Variants in BAZ1A observed in about 807,000 individuals in gnomAD.
The protein encoded by BAZ1A is bromodomain adjacent to zinc finger domain protein 1A.
In BAZ1A, 50 loss-of-function variants were observed where a neutral mutation model predicts 185.2. The observed-to-expected ratio is 0.27, with a 90% CI of 0.22 to 0.34. The LOEUF (loss-of-function observed/expected upper bound fraction) is 0.34, where lower values mean the gene tolerates loss of function less well. BAZ1A is among the 10% of genes least tolerant of loss of function. BAZ1A has a pLI of 1.00. For missense variants in BAZ1A, 1,356 were observed against 1,839.9 expected, an observed-to-expected ratio of 0.74 and a Z score of 4.81; for synonymous variants, 571 against 615.6, an observed-to-expected ratio of 0.93 and a Z score of 1.07.
chr14:34,866,502 A>AAAAGAAAG, intron 2 of BAZ1A, among the ~76,000 whole-genome samples: 2 of 79,538 alleles, frequency 2.5e-5, no homozygotes, highest in East Asian at 5.4e-4. Flanking sequence ...AAAAAAAAAA[A>AAAAGAAAG]GAAAAAAGTT....
At chr14:34,775,722 C>T (rs1474816528) in intron 18 of BAZ1A, among the ~76,000 whole-genome samples, 197 bp downstream of exon 18, 2 of 152,102 alleles carry the variant, frequency 1.3e-5, no homozygotes, top group Non-Finnish European at 2.9e-5. Flanking sequence ...CAAATACAAT[C>T]CAGTGGAATT....
At chr14:34,861,154 G>A (rs1021378430) in intron 3 of BAZ1A, among the ~76,000 whole-genome samples, 3 of 151,924 alleles carry the variant, frequency 2.0e-5, no homozygotes, top group Non-Finnish European at 4.4e-5. Context: ...AAAAAAATTT[G>A]TATTCAGGTC....
chr14:34,798,642 A>G (rs1005695387), intron 9 of BAZ1A, among the ~76,000 whole-genome samples: 1 of 152,248 alleles, frequency 6.6e-6, no homozygotes, highest in Non-Finnish European at 1.5e-5. Flanking sequence ...AAAAATGCTC[A>G]TCACTGGTCA....
intron 5 of BAZ1A, among the ~76,000 whole-genome samples, chr14:34,809,887 G>C (rs2041905788): frequency 6.6e-6 from 1 of 152,068 alleles, no homozygotes; most frequent in Admixed American, 6.6e-5. Context: ...CTATTCATTA[G>C]CCCATAAACT....
At chr14:34,824,914 G>T (rs909334702) in intron 4 of BAZ1A, among the ~76,000 whole-genome samples, 1 of 152,270 alleles carries the variant, frequency 6.6e-6, no homozygotes, top group South Asian at 2.1e-4. Context: ...GAGAAATAAC[G>T]ATTTAGAATA....
intron 25 of BAZ1A, among the ~76,000 whole-genome samples, chr14:34,757,740 T>C (rs1166017834): frequency 7.5e-6 from 1 of 133,416 alleles, no homozygotes; most frequent in Non-Finnish European, 1.7e-5. Context: ...CTCTATTGTT[T>C]TCTTTTTTTT....
intron 20 of BAZ1A, among the ~76,000 whole-genome samples, chr14:34,771,957 C>CT (rs150524823): frequency 0.064 from 9,671 of 150,332 alleles, 411 homozygotes; most frequent in Non-Finnish European, 0.099. Flanking sequence ...TTGTTTTGCC[C>CT]TTTTTTTTTG....
intron 4 of BAZ1A, among the ~76,000 whole-genome samples, chr14:34,814,482 T>C (rs898790504): frequency 6.6e-6 from 1 of 151,912 alleles, no homozygotes; most frequent in Non-Finnish European, 1.5e-5. Flanking sequence ...GGACCTTTTT[T>C]GGGGGAGACA....
At chr14:34,804,044 G>T (rs1881719844) in intron 6 of BAZ1A, among the ~76,000 whole-genome samples, 1 of 152,048 alleles carries the variant, frequency 6.6e-6, no homozygotes, top group Non-Finnish European at 1.5e-5. Context: ...ATCTTGCTCT[G>T]TCATCCTGGC....
At position 34,753,168 on chromosome 14, in the gene BAZ1A, C is replaced by T. The variant is rs1002911286; in HGVS notation, c.*340G>A. 1.6e-4 allele frequency: 35 copies of T among 222,034 alleles called. No homozygotes were observed. Among genetic ancestry groups the T allele is most frequent in the Non-Finnish European group, 2.7e-4 (30 of 111,026 alleles). 13.8% of individuals were successfully genotyped at this position (222,034 alleles called of 1,614,324 possible). ...TGTAGATAACTCTCCCTTAATACCACCACTTTAAAAAAAAATCATCAATAA... is the reference window on the plus strand; with the variant it reads ...TGTAGATAACTCTCCCTTAATACCATCACTTTAAAAAAAAATCATCAATAA... On this transcript the variant is annotated 3_prime_UTR_variant, in exon 27 of 27. Coordinates refer to ENST00000360310, the MANE Select transcript of BAZ1A (RefSeq NM_013448.3).
At chr14:34,866,961 T>TAAAA (rs10635851) in intron 2 of BAZ1A, among the ~76,000 whole-genome samples, 1 of 148,222 alleles carries the variant, frequency 6.7e-6, no homozygotes, top group African/African-American at 2.5e-5. Context: ...CATTCTTCTT[T>TAAAA]AAAAAAAAAA....
chr14:34,826,354 T>A (rs1418975543), intron 3 of BAZ1A, among the ~76,000 whole-genome samples, 198 bp from the exon 4 acceptor site: 1 of 152,220 alleles, frequency 6.6e-6, no homozygotes, highest in Non-Finnish European at 1.5e-5. Context: ...TAAAACTATT[T>A]TAAAACTCAA....
Position 34,788,997 on chromosome 14 carries a change from A to G in BAZ1A, c.1511-2776T>C, listed in dbSNP as rs150837943. On this transcript the variant is annotated intron_variant, in intron 12 of 26. Coordinates refer to ENST00000360310, the MANE Select transcript of BAZ1A (RefSeq NM_013448.3). Reference sequence around the variant, plus strand: ...CAATTTCATGGCATTTAAAGCATACATAGGGCCACACAGGAGAAGCTATCT... The same window carrying G: ...CAATTTCATGGCATTTAAAGCATACGTAGGGCCACACAGGAGAAGCTATCT... Among the ~76,000 whole-genome samples, 288 of 152,342 alleles carry G rather than the reference A, an allele frequency of 1.9e-3. 1 individual carries two copies. Among genetic ancestry groups the G allele is most frequent in the African/African-American group, 6.7e-3 (278 of 41,582 alleles).
chr14:34,845,346 A>T (rs985277596), intron 3 of BAZ1A: 43 of 151,476 alleles, frequency 2.8e-4, no homozygotes, highest in African/African-American at 1.0e-3. Flanking sequence ...CAATTCTAAA[A>T]GAGCTGTAAC....
chr14:34,804,938 GCT>G (rs1260477884), intron 6 of BAZ1A, among the ~76,000 whole-genome samples: 1 of 152,140 alleles, frequency 6.6e-6, no homozygotes, highest in Non-Finnish European at 1.5e-5. Flanking sequence ...ATATAATTTG[GCT>G]CTGTGTCCTC....
chr14:34,803,599 T>C (rs1043813755), intron 6 of BAZ1A, among the ~76,000 whole-genome samples: 2 of 148,512 alleles, frequency 1.3e-5, no homozygotes, highest in Admixed American at 6.9e-5. Flanking sequence ...TATACAATAA[T>C]TTGTTTTGCT....
chr14:34,861,421 C>T (rs544756869), intron 3 of BAZ1A, among the ~76,000 whole-genome samples: 1 of 152,040 alleles, frequency 6.6e-6, no homozygotes, highest in African/African-American at 2.4e-5. Context: ...TTGTATACTA[C>T]AGAAAGGAGA....
rs1317751736 is a variant in BAZ1A at position 34,753,388 on chromosome 14, T to C, written c.*120A>G. 1.1e-6 allele frequency: 1 copy of C among 930,612 alleles called. No individual in the cohort carries two copies. The highest frequency in any genetic ancestry group is 1.6e-6 in the Non-Finnish European group (1 of 612,530). The allele number at this position is 930,612 out of a possible 1,614,324, so 57.6% of individuals were successfully genotyped here. ...GTGCTTAATATTAAAATTGAGAATA[T>C]AGTGCAGGCCACACTTTCATGTGGT... On this transcript the variant is annotated 3_prime_UTR_variant, in exon 27 of 27. Transcript: ENST00000360310.
chr14:34,862,053 T>C lies in BAZ1A; in HGVS notation c.383A>G (p.Asn128Ser). Reference sequence around the variant, plus strand: ...ATTAAAAGTACTTTACCTTGCACCATTGTTCCTAATGACTTCCACAGTTTC... The same window carrying C: ...ATTAAAAGTACTTTACCTTGCACCACTGTTCCTAATGACTTCCACAGTTTC... ...VEETVEVIRN[N>S]GARLQCRILE... The change falls in exon 3 of 27, where the codon AAT becomes AGT. Residue 128 changes from asparagine to serine, a missense_variant. Coordinates refer to ENST00000360310, the MANE Select transcript of BAZ1A (RefSeq NM_013448.3). 6.2e-7 allele frequency: 1 copy of C among 1,613,974 alleles called. No homozygotes were observed. The highest frequency in any genetic ancestry group is 1.1e-5 in the South Asian group (1 of 91,076).
Sources: gnomAD v4.1 joint callset for allele counts (sites outside exome capture counted in the v4.1 genomes callset) on GRCh38, gnomAD v4.1.1 for gene constraint, MANE v1.5 for transcripts, NCBI Gene and HGNC (gene_info 2026-07-23, HGNC 2026-07-21) for gene names.